The following MDGA2 variants were observed in gnomAD, a reference collection of about 807,000 sequenced individuals.
MDGA2 encodes MAM domain-containing glycosylphosphatidylinositol anchor protein 2.
A neutral mutation model predicts 117.8 loss-of-function variants in MDGA2; 40 were observed. That is an observed-to-expected ratio of 0.34 (90% CI 0.26 to 0.44). MDGA2 has a LOEUF of 0.44. Among genes scored for constraint, MDGA2 ranks in the 20% least tolerant of loss-of-function variants. The pLI is 1.00. For synonymous variants in MDGA2, 452 were observed against 439.0 expected (o/e 1.03, Z -0.37); for missense variants, 1,123 against 1,250.6 (o/e 0.90, Z 1.54).
intron 1 of MDGA2, among the ~76,000 whole-genome samples, chr14:47,576,636 G>A (rs1348770989): frequency 1.3e-5 from 2 of 152,274 alleles, no homozygotes; most frequent in South Asian, 4.1e-4. Flanking sequence ...GAAGACAAAT[G>A]TTAGTATTGA....
At chr14:47,072,561 G>A (rs115954182) in intron 6 of MDGA2, among the ~76,000 whole-genome samples, 1 of 152,272 alleles carries the variant, frequency 6.6e-6, no homozygotes, top group Non-Finnish European at 1.5e-5. Context: ...ATAGTTTAAA[G>A]TATTGGTTCT....
chr14:47,263,484 A>G (rs558653429), intron 2 of MDGA2, among the ~76,000 whole-genome samples: 1 of 152,238 alleles, frequency 6.6e-6, no homozygotes, highest in East Asian at 1.9e-4. Context: ...AAAGTCTTTG[A>G]TCTACTACTA....
chr14:46,982,566 G>A (rs1886714167), intron 8 of MDGA2, among the ~76,000 whole-genome samples: 1 of 151,420 alleles, frequency 6.6e-6, no homozygotes. Context: ...AAAATTAGCT[G>A]GGTGTGGTGG....
Position 47,487,438 on chromosome 14 carries a change from A to G in MDGA2, c.281-185888T>C, listed in dbSNP as rs1297019736. 2.6e-5 allele frequency among the ~76,000 whole-genome samples: 4 copies of G among 152,238 alleles called. No individual in the cohort carries two copies. In the East Asian group the frequency reaches 7.7e-4, roughly 29 times the overall value. Reference sequence around the variant, plus strand: ...ATTTGTAAAATAAAAATTATAAACCATAAGCAACAGAGTTGTATGAGTTGA... The same window carrying G: ...ATTTGTAAAATAAAAATTATAAACCGTAAGCAACAGAGTTGTATGAGTTGA... On this transcript the variant is annotated intron_variant, in intron 1 of 16. Coordinates refer to ENST00000399232, the MANE Select transcript of MDGA2 (RefSeq NM_001113498.3).
chr14:47,175,258 C>G (rs1884383726), intron 3 of MDGA2, among the ~76,000 whole-genome samples: 1 of 151,752 alleles, frequency 6.6e-6, no homozygotes. Context: ...GAAACTATTC[C>G]AATCAATAGA....
chr14:46,860,374 A>G (rs1032555948), intron 14 of MDGA2, among the ~76,000 whole-genome samples: 2 of 152,076 alleles, frequency 1.3e-5, no homozygotes, highest in Non-Finnish European at 2.9e-5. Context: ...AATGCATTCC[A>G]TAATGTTGAA....
At chr14:46,881,445 A>C (rs1234381748) in intron 11 of MDGA2, among the ~76,000 whole-genome samples, 1 of 152,182 alleles carries the variant, frequency 6.6e-6, no homozygotes, top group African/African-American at 2.4e-5. Flanking sequence ...AATTATATAC[A>C]CTTGTCAAAA....
At chr14:47,132,823 G>A (rs77928442) in intron 4 of MDGA2, among the ~76,000 whole-genome samples, 50 of 151,818 alleles carry the variant, frequency 3.3e-4, no homozygotes, top group African/African-American at 1.1e-3. Flanking sequence ...ACGTGTGTAC[G>A]GAACAATGTG....
rs527482514 is a variant in MDGA2, at chr14:47,464,153, T to C, written c.281-162603A>G. Among the ~76,000 whole-genome samples the C allele has an allele frequency of 4.0e-5, 6 of 150,070 alleles. No homozygotes were observed. The East Asian group carries it at 1.2e-3, about 29-fold the overall frequency. Reference sequence around the variant, plus strand: ...CACACACACACACACACAGAGCCTCTGTTGCTTTGTTGGTATCAGCAGACA... The same window carrying C: ...CACACACACACACACACAGAGCCTCCGTTGCTTTGTTGGTATCAGCAGACA... On this transcript the variant is annotated intron_variant, in intron 1 of 16. Transcript: ENST00000399232.
chr14:47,619,116 T>TATGC (rs140667074), intron 1 of MDGA2, among the ~76,000 whole-genome samples: 2 of 90,712 alleles, frequency 2.2e-5, no homozygotes, highest in African/African-American at 3.9e-5. Context: ...TCAGTTTAAT[T>TATGC]ACACACACAC....
chr14:47,160,639 T>C (rs1883595777), intron 3 of MDGA2, among the ~76,000 whole-genome samples: 3 of 152,188 alleles, frequency 2.0e-5, no homozygotes, highest in Admixed American at 6.5e-5. Flanking sequence ...CACTCCATTC[T>C]GGACCACAGA....
chr14:47,222,352 A>G (rs1261915700), intron 2 of MDGA2, among the ~76,000 whole-genome samples: 1 of 152,052 alleles, frequency 6.6e-6, no homozygotes, highest in Non-Finnish European at 1.5e-5. Context: ...ACAGGGAGAG[A>G]AAGACATCAC....
intron 8 of MDGA2, among the ~76,000 whole-genome samples, chr14:46,995,414 C>A (rs1887251829): frequency 6.6e-6 from 1 of 152,026 alleles, no homozygotes; most frequent in Non-Finnish European, 1.5e-5. Flanking sequence ...AAAGACTGGA[C>A]CTAGCACACT....
chr14:47,072,434 A>G (rs1217956133), intron 6 of MDGA2, among the ~76,000 whole-genome samples: 1 of 152,226 alleles, frequency 6.6e-6, no homozygotes, highest in Admixed American at 6.5e-5. Context: ...AAGAGAAACA[A>G]TGACTATTAT....
At chr14:47,343,255 C>T in intron 1 of MDGA2, 2 of 1,141,074 alleles carry the variant, frequency 1.8e-6, no homozygotes, top group Non-Finnish European at 2.2e-6. Flanking sequence ...TATCGAATTC[C>T]GGGCATTGTA....
intron 1 of MDGA2, among the ~76,000 whole-genome samples, chr14:47,335,128 C>A (rs908475864): frequency 6.6e-6 from 1 of 151,656 alleles, no homozygotes; most frequent in Non-Finnish European, 1.5e-5. Flanking sequence ...TAGCCCCTTA[C>A]TCTTTAGAAT....
rs555834040 is a variant in MDGA2 at position 47,049,566 on chromosome 14, A to G, written c.1525+11683T>C. Among the ~76,000 whole-genome samples the G allele has an allele frequency of 7.3e-5, 11 of 151,616 alleles. No homozygotes were observed. The South Asian group carries it at 1.9e-3, about 26-fold the overall frequency. ...TTTATAATTTCGACTTTTATTTTAG[A>G]CTCAAGGGGTACATATGCAGTTTTG... On this transcript the variant is annotated intron_variant, in intron 7 of 16. Coordinates refer to ENST00000399232, the MANE Select transcript of MDGA2 (RefSeq NM_001113498.3).
chr14:47,499,780 T>C (rs1894361063), intron 1 of MDGA2, among the ~76,000 whole-genome samples: 1 of 152,170 alleles, frequency 6.6e-6, no homozygotes. Flanking sequence ...GGGCAGTTCG[T>C]AGGCACTGCG....
At chr14:47,181,365 T>C (rs948391546) in intron 3 of MDGA2, among the ~76,000 whole-genome samples, 1 of 152,114 alleles carries the variant, frequency 6.6e-6, no homozygotes, top group African/African-American at 2.4e-5. Flanking sequence ...ATTGCAGCAT[T>C]GGAACCAACC....
Sources: allele counts gnomAD v4.1 joint callset (sites outside exome capture counted in the v4.1 genomes callset), GRCh38; gene constraint gnomAD v4.1.1; transcripts MANE v1.5; gene names NCBI Gene and HGNC (gene_info 2026-07-23, HGNC 2026-07-21).